Variants in ANKRD30BL observed in about 807,000 individuals in gnomAD.
ANKRD30BL encodes ankyrin repeat domain 30B like.
ANKRD30BL carries 20 observed loss-of-function variants against 18.4 expected under a neutral mutation model. The observed-to-expected ratio is 1.09, with a 90% CI of 0.77 to 1.58. The LOEUF (loss-of-function observed/expected upper bound fraction) is 1.58. ANKRD30BL is among the 40% of genes most tolerant of loss of function. ANKRD30BL has a pLI of 0.00. For missense variants in ANKRD30BL, 224 were observed against 268.6 expected (o/e 0.83, Z 1.16); for synonymous variants, 72 against 100.9 (o/e 0.71, Z 1.72).
intron 1 of ANKRD30BL, among the ~76,000 whole-genome samples, chr2:132,232,127 G>C (rs1169721315): frequency 1.3e-5 from 2 of 152,150 alleles, no homozygotes; most frequent in African/African-American, 4.8e-5. Context: ...TAAGGGTCCT[G>C]TCTGTTAGAA....
At chr2:132,245,821 A>G (rs1573889811) in intron 1 of ANKRD30BL, among the ~76,000 whole-genome samples, 2 of 151,698 alleles carry the variant, frequency 1.3e-5, no homozygotes, top group African/African-American at 4.8e-5. Context: ...ATTCTCAGAA[A>G]CTTCTTTGTG....
At chr2:132,181,404 G>A (rs1289533631) in intron 1 of ANKRD30BL, among the ~76,000 whole-genome samples, 1 of 151,650 alleles carries the variant, frequency 6.6e-6, no homozygotes, top group Admixed American at 6.6e-5. Context: ...ACCCAGGAGG[G>A]AGAGGTCGTA....
At chr2:132,168,668 T>C (rs1205276324) in intron 1 of ANKRD30BL, among the ~76,000 whole-genome samples, 1 of 152,174 alleles carries the variant, frequency 6.6e-6, no homozygotes, top group South Asian at 2.1e-4. Context: ...CTACAGCTGA[T>C]AAGAATGTAT....
chr2:132,175,290 A>G (rs552773763), intron 1 of ANKRD30BL, among the ~76,000 whole-genome samples: 2 of 152,032 alleles, frequency 1.3e-5, no homozygotes, highest in South Asian at 4.2e-4. Context: ...TGTGAGCAGA[A>G]GAATCTGTGT....
intron 1 of ANKRD30BL, among the ~76,000 whole-genome samples, chr2:132,157,859 T>C (rs532386848): frequency 2.0e-5 from 3 of 152,314 alleles, no homozygotes; most frequent in East Asian, 3.9e-4. Context: ...ATGTAATTAT[T>C]TCTACTACTT....
At chr2:132,211,118 G>A (rs1160429430) in intron 1 of ANKRD30BL, among the ~76,000 whole-genome samples, 1 of 151,990 alleles carries the variant, frequency 6.6e-6, no homozygotes, top group Non-Finnish European at 1.5e-5. Context: ...TCATCTCACA[G>A]TGCTTAACAT....
At chr2:132,161,328 A>C (rs992564956) in intron 1 of ANKRD30BL, among the ~76,000 whole-genome samples, 160 bp downstream of exon 1, 1 of 152,066 alleles carries the variant, frequency 6.6e-6, no homozygotes, top group Non-Finnish European at 1.5e-5. Flanking sequence ...CTGCCCGGGA[A>C]GAAGGCCAAG....
chr2:132,150,177 AGTTCAAGAC>A (rs1687719229), intron 5 of ANKRD30BL, among the ~76,000 whole-genome samples: 1 of 150,718 alleles, frequency 6.6e-6, no homozygotes, highest in Non-Finnish European at 1.5e-5. Context: ...AAAGCCCAGA[AGTTCAAGAC>A]CAGCCTGGGC....
At chr2:132,177,622 C>T (rs1688387366) in intron 1 of ANKRD30BL, among the ~76,000 whole-genome samples, 1 of 152,136 alleles carries the variant, frequency 6.6e-6, no homozygotes, top group South Asian at 2.1e-4. Context: ...AGAGTCTTCC[C>T]TAGTGATTAA....
At chr2:132,185,044 C>T (rs1214809966) in intron 1 of ANKRD30BL, among the ~76,000 whole-genome samples, 1 of 152,254 alleles carries the variant, frequency 6.6e-6, no homozygotes, top group East Asian at 1.9e-4. Flanking sequence ...GATCTCCTGA[C>T]CTCGTGATCC....
Position 132,150,968 on chromosome 2 carries a change from T to C in ANKRD30BL, c.623A>G (p.Gln208Arg). Residue 208 changes from glutamine to arginine, a missense_variant, in exon 5 of 6, where the codon CAA becomes CGA. Coordinates refer to ENST00000409867, the MANE Select transcript of ANKRD30BL (RefSeq NM_001358416.1). ...NAVDKFKCVH[Q>R]QLLEYKQKIS... ...CTTTTGTTTATATTCCAAAAGTTGT[T>C]GATGAACGCTATGTATAAAAATGAA... 1 of 613,288 alleles carries C rather than the reference T, an allele frequency of 1.6e-6. No homozygotes were observed. Among genetic ancestry groups the C allele is most frequent in the South Asian group, 1.8e-5 (1 of 55,110 alleles). The allele number at this position is 613,288 out of a possible 1,614,324, so 38.0% of individuals were successfully genotyped here.
At chr2:132,209,411 C>T (rs62164416) in intron 1 of ANKRD30BL, among the ~76,000 whole-genome samples, 1 of 150,268 alleles carries the variant, frequency 6.7e-6, no homozygotes, top group East Asian at 2.0e-4. Flanking sequence ...TCTCACAGAG[C>T]TGAACATTTC....
intron 1 of ANKRD30BL, among the ~76,000 whole-genome samples, chr2:132,221,758 G>A (rs1490148890): frequency 3.2e-4 from 32 of 99,556 alleles, no homozygotes; most frequent in African/African-American, 1.2e-3. Context: ...CTGCCCGGCC[G>A]CCCCTACTGG....
At chr2:132,228,617 C>T (rs1296029202) in intron 1 of ANKRD30BL, among the ~76,000 whole-genome samples, 8 of 149,694 alleles carry the variant, frequency 5.3e-5, no homozygotes, top group Admixed American at 4.7e-4. Flanking sequence ...AGAAACTAGA[C>T]AGAAAAATTC....
Position 132,253,547 on chromosome 2 carries a change from G to A in ANKRD30BL, n.441+3982C>T, listed in dbSNP as rs78326223. Among the ~76,000 whole-genome samples, 1,100 of 152,234 alleles carry A rather than the reference G, an allele frequency of 7.2e-3. 12 individuals are homozygous for A. The highest frequency in any genetic ancestry group is 0.025 in the African/African-American group (1,022 of 41,538). ...CCACAGAGCGGGGTACAGGCCACAC[G>A]TGCAGCATGCACGACAGCACGATGG... is the stretch of plus-strand genomic sequence containing the variant. On this transcript the variant is annotated intron_variant and non_coding_transcript_variant, in intron 1 of 4. Transcript: ENST00000470729.
chr2:132,185,375 G>T (rs2104951014), intron 1 of ANKRD30BL, among the ~76,000 whole-genome samples: 1 of 152,246 alleles, frequency 6.6e-6, no homozygotes, highest in Non-Finnish European at 1.5e-5. Context: ...TGTCTAAACA[G>T]TGCATTGCAG....
At chr2:132,183,936 A>T (rs1343999697) in intron 1 of ANKRD30BL, among the ~76,000 whole-genome samples, 1 of 152,098 alleles carries the variant, frequency 6.6e-6, no homozygotes, top group Non-Finnish European at 1.5e-5. Context: ...CTGAGTAGAG[A>T]AAACATGATC....
At chr2:132,199,858 A>G (rs13416420) in intron 1 of ANKRD30BL, among the ~76,000 whole-genome samples, 3,528 of 152,212 alleles carry the variant, frequency 0.023, 126 homozygotes, top group African/African-American at 0.081. Flanking sequence ...AGACACAACC[A>G]AAAAAGAGAA....
At chr2:132,175,857 C>A (rs1688359205) in intron 1 of ANKRD30BL, among the ~76,000 whole-genome samples, 1 of 152,118 alleles carries the variant, frequency 6.6e-6, no homozygotes, top group Non-Finnish European at 1.5e-5. Context: ...TTCCATACAA[C>A]ACATGTTTTT....
Sources: allele counts gnomAD v4.1 joint callset (sites outside exome capture counted in the v4.1 genomes callset), GRCh38; gene constraint gnomAD v4.1.1; transcripts MANE v1.5; gene names NCBI Gene and HGNC (gene_info 2026-07-23, HGNC 2026-07-21).